Variants in DDX19B observed in about 807,000 individuals in gnomAD.
The protein encoded by DDX19B is ATP-dependent RNA helicase DDX19B.
DDX19B carries 27 observed loss-of-function variants against 58.1 expected under a neutral mutation model. The ratio of observed to expected loss-of-function variants is 0.46; its 90% confidence interval spans 0.34 to 0.64. The LOEUF (loss-of-function observed/expected upper bound fraction) is 0.64, where lower values mean the gene tolerates loss of function less well. Among genes scored for constraint, DDX19B ranks in the 30% least tolerant of loss-of-function variants. The probability of loss-of-function intolerance (pLI) is 0.01; values close to 1 mark genes in which losing one functional copy is unlikely to be tolerated. For missense variants in DDX19B, 399 were observed against 596.5 expected, an observed-to-expected ratio of 0.67 and a Z score of 3.45; for synonymous variants, 187 against 214.4, an observed-to-expected ratio of 0.87 and a Z score of 1.12.
intron 3 of DDX19B, 150 bp from the exon 4 acceptor site, chr16:70,315,819 A>G: frequency 1.8e-6 from 2 of 1,121,708 alleles, no homozygotes; most frequent in Non-Finnish European, 2.4e-6. Context: ...TAATAAAACT[A>G]TTTTAATTTA....
At chr16:70,326,259 G>A (rs530475769) in intron 7 of DDX19B, among the ~76,000 whole-genome samples, 8 of 152,258 alleles carry the variant, frequency 5.3e-5, no homozygotes, top group African/African-American at 1.9e-4. Flanking sequence ...AGCAGATCAC[G>A]AGATCAGGAG....
intron 5 of DDX19B, among the ~76,000 whole-genome samples, chr16:70,319,872 A>G (rs1962670150): frequency 6.6e-6 from 1 of 152,174 alleles, no homozygotes; most frequent in African/African-American, 2.4e-5. Flanking sequence ...AGCCTGAGCA[A>G]GAGTGAGACC....
In DDX19B at chr16:70,325,609, C is replaced by T. The variant is rs1008911119; in HGVS notation, c.528C>T (p.Leu176=). The T allele has an allele frequency of 3.1e-6, 5 of 1,614,092 alleles. No individual in the cohort carries two copies. In the South Asian group the frequency reaches 3.3e-5, roughly 11 times the overall value. Residue 176 remains leucine, a synonymous_variant, in exon 7 of 12, where the codon CTC becomes CTT. Transcript: ENST00000288071. The stretch of plus-strand genomic sequence containing the variant: ...TCTCCCCAACGTATGAGCTCGCCCT[C>T]CAAACAGGAAAAGTGATTGAACAAA... ...LCLSPTYELA[L]QTGKVIEQMG...
rs375689030 is a variant in DDX19B, at chr16:70,306,439, C to T, written c.58-6170C>T. Among the ~76,000 whole-genome samples, 7 of 152,342 alleles carry T rather than the reference C, an allele frequency of 4.6e-5. No individual in the cohort carries two copies. In the East Asian group the frequency reaches 1.3e-3, roughly 29 times the overall value. On this transcript the variant is annotated intron_variant, in intron 1 of 11. Coordinates refer to ENST00000288071, the MANE Select transcript of DDX19B (RefSeq NM_007242.7). ...GTGCTGGGATTATAGGCATGAGCCA[C>T]TGCACCCGGCCATTCAGGTCAGGTT... is the stretch of plus-strand genomic sequence containing the variant.
At chr16:70,305,342 C>G (rs114501135) in intron 1 of DDX19B, among the ~76,000 whole-genome samples, 1,896 of 152,278 alleles carry the variant, frequency 0.012, 32 homozygotes, top group African/African-American at 0.043. Context: ...CTTCTGTTTT[C>G]ATTATGGCAT....
intron 1 of DDX19B, among the ~76,000 whole-genome samples, 171 bp downstream of exon 1, chr16:70,299,525 C>T (rs922477414): frequency 1.4e-4 from 21 of 152,226 alleles, no homozygotes; most frequent in African/African-American, 4.6e-4. Context: ...CTCCGCGTTA[C>T]GTAAGCGCAG....
At chr16:70,325,101 A>C (rs577321944) in intron 6 of DDX19B, among the ~76,000 whole-genome samples, 16 of 152,218 alleles carry the variant, frequency 1.1e-4, no homozygotes, top group Non-Finnish European at 1.9e-4. Context: ...ACACAAACTG[A>C]AACTCCTTAA....
chr16:70,324,674 A>G lies in DDX19B; in HGVS notation c.479A>G (p.Asn160Ser). 1.9e-6 allele frequency: 3 copies of G among 1,613,340 alleles called. No homozygotes were observed. Among genetic ancestry groups the G allele is most frequent in the Non-Finnish European group, 2.5e-6 (3 of 1,179,854 alleles). The change falls in exon 6 of 12, where the codon AAC becomes AGC. Residue 160 changes from asparagine to serine, a missense_variant. By Grantham distance (46) the Asn-to-Ser change is conservative. This residue lies in a region of DDX19B where 67 missense variants were observed against 74.3 expected (regional missense o/e 0.90). Coordinates refer to ENST00000288071, the MANE Select transcript of DDX19B (RefSeq NM_007242.7). ...ATGCTTAGCCAAGTAGAACCTGCAAACAAATACCCCCAGGTAAGGATTTAT... is the reference window on the plus strand; with the variant it reads ...ATGCTTAGCCAAGTAGAACCTGCAAGCAAATACCCCCAGGTAAGGATTTAT... ...LAMLSQVEPA[N>S]KYPQCLCLSP...
rs1018049283 is a variant in DDX19B at position 70,325,657 on chromosome 16, G to A, written c.576G>A (p.Leu192=). Residue 192 remains leucine, a synonymous_variant, in exon 7 of 12, where the codon CTG becomes CTA. Transcript: ENST00000288071. The part of the protein sequence containing the change: ...IEQMGKFYPE[L]KLAYAVRGNK... ...AAATGGGCAAATTTTACCCTGAACT[G>A]AAGCTAGCTTATGCTGTTCGAGGCA... 3.7e-6 allele frequency: 6 copies of A among 1,614,028 alleles called. No homozygotes were observed. The East Asian group carries it at 1.3e-4, about 36-fold the overall frequency.
At chr16:70,313,914 G>A (rs534386612) in intron 2 of DDX19B, among the ~76,000 whole-genome samples, 3 of 152,070 alleles carry the variant, frequency 2.0e-5, no homozygotes, top group African/African-American at 7.2e-5. Flanking sequence ...TTTGAAACCA[G>A]CCTGACTAAC....
chr16:70,322,935 A>T (rs934204153), intron 5 of DDX19B, among the ~76,000 whole-genome samples: 2 of 148,884 alleles, frequency 1.3e-5, no homozygotes, highest in South Asian at 4.2e-4. Context: ...GGAACAGCTT[A>T]CTTTTGCCAG....
chr16:70,310,167 G>C (rs1030634675), intron 1 of DDX19B, among the ~76,000 whole-genome samples: 2 of 152,134 alleles, frequency 1.3e-5, no homozygotes, highest in Non-Finnish European at 2.9e-5. Context: ...CGGATCATGA[G>C]GTCAAGAGAT....
chr16:70,294,936 A>G (rs1355800449), upstream of DDX19B: 3 of 1,508,380 alleles, frequency 2.0e-6, no homozygotes, highest in Non-Finnish European at 2.6e-6. Flanking sequence ...CTGCGAGGGT[A>G]GAAGCCAGAC....
upstream of DDX19B, among the ~76,000 whole-genome samples, chr16:70,296,537 C>A (rs1398926619): frequency 6.6e-6 from 1 of 152,016 alleles, no homozygotes; most frequent in Non-Finnish European, 1.5e-5. Flanking sequence ...CTACTATATA[C>A]GGTCCTGCAA....
At chr16:70,305,230 C>A (rs1392323450) in intron 1 of DDX19B, among the ~76,000 whole-genome samples, 1 of 152,202 alleles carries the variant, frequency 6.6e-6, no homozygotes, top group Non-Finnish European at 1.5e-5. Flanking sequence ...ATCCTCTAAA[C>A]TCCTGCCTAG....
At chr16:70,327,399 G>GGC (rs1963222254) in intron 7 of DDX19B, among the ~76,000 whole-genome samples, 1 of 152,020 alleles carries the variant, frequency 6.6e-6, no homozygotes, top group Non-Finnish European at 1.5e-5. Context: ...CAGGTGTGGT[G>GGC]GCATGTGCCT....
rs1223503540 is a variant in DDX19B at position 70,329,334 on chromosome 16, C to T, written c.650C>T (p.Thr217Ile). Residue 217 changes from threonine (T) to isoleucine (I), a missense_variant, in exon 8 of 12, where the codon ACC becomes ATC. This residue lies in a region of DDX19B where 198 missense variants were observed against 345.9 expected (regional missense o/e 0.57). Transcript: ENST00000288071. Reference protein sequence around the residue: ...QKISEQIVIGTPGTVLDWCSK... With the variant: ...QKISEQIVIGIPGTVLDWCSK... ...ATCAGTGAGCAGATTGTCATTGGCA[C>T]CCCTGGGACTGTGCTGGACTGGTGC... is the stretch of plus-strand genomic sequence containing the variant. 6.2e-7 allele frequency: 1 copy of T among 1,613,958 alleles called. No homozygotes were observed. Among genetic ancestry groups the T allele is most frequent in the East Asian group, 2.2e-5 (1 of 44,890 alleles).
chr16:70,298,037 G>A (rs1050948111), upstream of DDX19B, among the ~76,000 whole-genome samples: 1 of 152,200 alleles, frequency 6.6e-6, no homozygotes, highest in East Asian at 1.9e-4. Context: ...CACTTTGGGA[G>A]GTGGAGGTGG....
upstream of DDX19B, among the ~76,000 whole-genome samples, chr16:70,296,278 G>T (rs1309097834): frequency 6.6e-6 from 1 of 151,842 alleles, no homozygotes; most frequent in East Asian, 1.9e-4. Context: ...TGGGATTACA[G>T]GCGTGAGCCA....
Sources: allele counts gnomAD v4.1 joint callset (sites outside exome capture counted in the v4.1 genomes callset), GRCh38; gene constraint gnomAD v4.1.1; regional missense constraint gnomAD v4.1.1; transcripts MANE v1.5; gene names NCBI Gene and HGNC (gene_info 2026-07-23, HGNC 2026-07-21).